GANC: variants seen among roughly 807,000 people sequenced by gnomAD.
GANC encodes glucosidase alpha, neutral C, also known as neutral alpha-glucosidase C.
A neutral mutation model predicts 124.2 loss-of-function variants in GANC; 117 were observed. That is an observed-to-expected ratio of 0.94 (90% CI 0.81 to 1.10). GANC has a LOEUF of 1.10. Among genes scored for constraint, GANC ranks in the 50% least tolerant of loss-of-function variants. The pLI is 0.00. For missense variants in GANC, 1,140 were observed against 1,095.0 expected (o/e 1.04, Z -0.58); for synonymous variants, 377 against 376.8 (o/e 1.00, Z -0.01).
intron 3 of GANC, among the ~76,000 whole-genome samples, chr15:42,282,379 A>G (rs756800041): frequency 5.9e-5 from 9 of 152,204 alleles, no homozygotes; most frequent in Non-Finnish European, 5.9e-5. Context: ...CTGGGATAAG[A>G]TGGGTGTTTC....
chr15:42,286,478 T>C (rs2141021724), intron 3 of GANC, among the ~76,000 whole-genome samples: 1 of 152,362 alleles, frequency 6.6e-6, no homozygotes, highest in African/African-American at 2.4e-5. Context: ...CTTGGACATA[T>C]TTCCAAATGT....
chr15:42,275,345 A>G (rs1410947121), intron 1 of GANC, among the ~76,000 whole-genome samples: 3 of 152,204 alleles, frequency 2.0e-5, no homozygotes, highest in Non-Finnish European at 4.4e-5. Flanking sequence ...CTTCACTCCA[A>G]CGTAGGAGGC....
chr15:42,285,307 G>A (rs2051776258), intron 3 of GANC, among the ~76,000 whole-genome samples: 1 of 152,086 alleles, frequency 6.6e-6, no homozygotes, highest in Admixed American at 6.6e-5. Flanking sequence ...GGAAGGCAGG[G>A]GACTCTAAGG....
intron 6 of GANC, among the ~76,000 whole-genome samples, chr15:42,302,347 G>T (rs1414975435): frequency 6.6e-6 from 1 of 152,060 alleles, no homozygotes; most frequent in East Asian, 1.9e-4. Context: ...CCTATCCGAA[G>T]GTCACCAACA....
chr15:42,297,651 T>C lies in GANC; in HGVS notation c.553T>C (p.Ser185Pro). 3.7e-6 allele frequency: 6 copies of C among 1,604,308 alleles called. No individual in the cohort carries two copies. The highest frequency in any genetic ancestry group is 5.1e-6 in the Non-Finnish European group (6 of 1,172,192). Residue 185 changes from serine (S) to proline (P), a missense_variant, in exon 6 of 24, where the codon TCT becomes CCT. Physicochemically the swap from Ser to Pro is moderately conservative, Grantham distance 74 (BLOSUM62 -1). Transcript: ENST00000318010. ...ENEEETSVDT[S>P]QENQEDLGLW... ...TGAGGAGGAGACATCAGTGGACACC[T>C]CTCAGGTAATCTAGATTGATCCATT...
At chr15:42,348,858 G>A (rs760904615) in intron 21 of GANC, among the ~76,000 whole-genome samples, 1 of 151,900 alleles carries the variant, frequency 6.6e-6, no homozygotes, top group African/African-American at 2.4e-5. Flanking sequence ...TTTCACTTAG[G>A]CATGTCTTCT....
chr15:42,325,433 A>G (rs75581614), intron 11 of GANC, among the ~76,000 whole-genome samples: 1,641 of 152,306 alleles, frequency 0.011, 32 homozygotes, highest in African/African-American at 0.038. Context: ...AAGTGATGGT[A>G]TTGTAAAGTC....
At chr15:42,312,867 G>A (rs559533560) in intron 10 of GANC, among the ~76,000 whole-genome samples, 3 of 151,776 alleles carry the variant, frequency 2.0e-5, no homozygotes, top group African/African-American at 4.8e-5. Context: ...CCCACAAGGC[G>A]AGGTGGAGGT....
chr15:42,274,220 G>A lies in GANC; in HGVS notation c.-262G>A, dbSNP rs2051626073. 2.0e-5 allele frequency: 9 copies of A among 461,202 alleles called. No homozygotes were observed. Among genetic ancestry groups the A allele is most frequent in the South Asian group, 2.3e-5 (1 of 44,424 alleles). 28.6% of individuals were successfully genotyped at this position (461,202 alleles called of 1,614,324 possible). On this transcript the variant is annotated 5_prime_UTR_variant, in exon 1 of 24. Coordinates refer to ENST00000318010, the MANE Select transcript of GANC (RefSeq NM_198141.3). ...CGCCCAGTTTCGGTTCCTAACAAAA[G>A]CACGTTCCTCATCAGCCACCCATAA...
Position 42,353,550 on chromosome 15 carries a change from G to A in GANC, c.*1411G>A. The stretch of plus-strand genomic sequence containing the variant: ...CTACTAGATTGTATGTCCCTCAAGA[G>A]CATGTTCTGTTTCTCTTCTGTCTGA... On this transcript the variant is annotated 3_prime_UTR_variant, in exon 24 of 24. Coordinates refer to ENST00000318010, the MANE Select transcript of GANC (RefSeq NM_198141.3). The A allele has an allele frequency of 1.0e-6, 1 of 984,162 alleles. No individual in the cohort carries two copies. Among genetic ancestry groups the A allele is most frequent in the Non-Finnish European group, 1.2e-6 (1 of 828,518 alleles). The allele number at this position is 984,162 out of a possible 1,614,324, so 61.0% of individuals were successfully genotyped here. A position where few individuals can be genotyped will look rare whatever the true frequency, so the allele number is the denominator to read the frequency against.
intron 18 of GANC, among the ~76,000 whole-genome samples, chr15:42,341,532 T>C (rs2052329241): frequency 6.6e-6 from 1 of 152,056 alleles, no homozygotes; most frequent in Non-Finnish European, 1.5e-5. Context: ...CTAAATATAC[T>C]GTTCCCCAAA....
intron 10 of GANC, among the ~76,000 whole-genome samples, chr15:42,321,283 A>G (rs955594856): frequency 6.6e-6 from 1 of 152,124 alleles, no homozygotes; most frequent in African/African-American, 2.4e-5. Flanking sequence ...GCCCTTGACA[A>G]TCTGACCCTA....
At chr15:42,287,316 T>C (rs974572019) in intron 3 of GANC, among the ~76,000 whole-genome samples, 15 of 152,226 alleles carry the variant, frequency 9.9e-5, no homozygotes, top group African/African-American at 3.4e-4. Context: ...AGGCAAACTC[T>C]TATTCTTAAT....
At chr15:42,334,263 G>A (rs2052267679) in intron 15 of GANC, among the ~76,000 whole-genome samples, 1 of 151,660 alleles carries the variant, frequency 6.6e-6, no homozygotes, top group African/African-American at 2.4e-5. Context: ...CCGGGTTCAA[G>A]TGATTCTCCT....
chr15:42,311,550 A>G (rs928460240), intron 10 of GANC, among the ~76,000 whole-genome samples: 1 of 152,216 alleles, frequency 6.6e-6, no homozygotes, highest in Non-Finnish European at 1.5e-5. Flanking sequence ...ATGGTCCTGC[A>G]GGCTGTACAG....
At chr15:42,287,433 A>G (rs1212050645) in intron 3 of GANC, among the ~76,000 whole-genome samples, 1 of 152,058 alleles carries the variant, frequency 6.6e-6, no homozygotes, top group Non-Finnish European at 1.5e-5. Flanking sequence ...GACTTCTTTC[A>G]CTCTGAAGAT....
intron 6 of GANC, among the ~76,000 whole-genome samples, chr15:42,303,184 G>T (rs1216399519): frequency 6.6e-6 from 1 of 152,202 alleles, no homozygotes. Flanking sequence ...AGCCAGAAGA[G>T]AGTGGGGGCC....
chr15:42,350,781 C>T (rs1488022378), intron 22 of GANC, among the ~76,000 whole-genome samples: 1 of 151,680 alleles, frequency 6.6e-6, no homozygotes, highest in Non-Finnish European at 1.5e-5. Flanking sequence ...GTCTCGAACT[C>T]CTGACCTCAA....
intron 6 of GANC, among the ~76,000 whole-genome samples, chr15:42,305,566 T>C (rs1217099382): frequency 6.6e-6 from 1 of 152,186 alleles, no homozygotes; most frequent in Non-Finnish European, 1.5e-5. Context: ...GAACCAGAAA[T>C]ACCATCGGAC....
Sources: allele counts gnomAD v4.1 joint callset (sites outside exome capture counted in the v4.1 genomes callset), GRCh38; gene constraint gnomAD v4.1.1; transcripts MANE v1.5; gene names NCBI Gene and HGNC (gene_info 2026-07-23, HGNC 2026-07-21).